The following LYPD6B variants were observed in gnomAD, a reference collection of about 807,000 sequenced individuals.
The protein encoded by LYPD6B is LY6/PLAUR domain containing 6B.
In LYPD6B, 17 loss-of-function variants were observed where a neutral mutation model predicts 22.8. The observed-to-expected ratio is 0.75, with a 90% CI of 0.51 to 1.12. The LOEUF is 1.12. Among genes scored for constraint, LYPD6B ranks in the 50% most tolerant of loss-of-function variants. The pLI, the probability that LYPD6B is intolerant of heterozygous loss-of-function variation, is 0.00. For missense variants in LYPD6B, 221 were observed against 258.3 expected, an observed-to-expected ratio of 0.86 and a Z score of 0.99; for synonymous variants, 106 against 91.6, an observed-to-expected ratio of 1.16 and a Z score of -0.90.
intron 1 of LYPD6B, among the ~76,000 whole-genome samples, chr2:149,061,842 A>C (rs1410351396): frequency 1.3e-5 from 2 of 152,170 alleles, no homozygotes; most frequent in Non-Finnish European, 2.9e-5. Context: ...GTAAGCATCA[A>C]ATTTCTTATA....
At chr2:149,189,357 TATATATATATACAC>T (rs1284966171) in intron 3 of LYPD6B, among the ~76,000 whole-genome samples, 8 of 85,118 alleles carry the variant, frequency 9.4e-5, no homozygotes, top group Non-Finnish European at 1.6e-4. Flanking sequence ...TATATATATA[TATATATATATACAC>T]ACACATATGT....
At chr2:149,173,011 T>C (rs984016006) in intron 3 of LYPD6B, among the ~76,000 whole-genome samples, 2 of 152,022 alleles carry the variant, frequency 1.3e-5, no homozygotes, top group East Asian at 1.9e-4. Flanking sequence ...CTTATATATA[T>C]GTGTGTGTAC....
At chr2:149,091,389 A>G (rs1331264676) in intron 1 of LYPD6B, among the ~76,000 whole-genome samples, 1 of 150,518 alleles carries the variant, frequency 6.6e-6, no homozygotes, top group East Asian at 1.9e-4. Flanking sequence ...ATATATATTT[A>G]TATATATAAA....
At chr2:149,169,818 G>C (rs1048775616) in intron 3 of LYPD6B, among the ~76,000 whole-genome samples, 3 of 152,112 alleles carry the variant, frequency 2.0e-5, no homozygotes, top group Admixed American at 6.6e-5. Flanking sequence ...TGAGAAACCT[G>C]TCCCGCCAGG....
intron 2 of LYPD6B, among the ~76,000 whole-genome samples, chr2:149,143,091 T>C (rs533163045): frequency 3.9e-4 from 59 of 152,334 alleles, no homozygotes; most frequent in Non-Finnish European, 6.5e-4. Context: ...TTAACATGCA[T>C]AATCATTCAG....
intron 3 of LYPD6B, among the ~76,000 whole-genome samples, chr2:149,171,118 C>G (rs1690785707): frequency 6.6e-6 from 1 of 152,156 alleles, no homozygotes; most frequent in Admixed American, 6.5e-5. Context: ...AGCAGCCACT[C>G]TGGGACTCTC....
At chr2:149,106,540 A>C (rs1374903943) in intron 1 of LYPD6B, among the ~76,000 whole-genome samples, 1 of 152,108 alleles carries the variant, frequency 6.6e-6, no homozygotes, top group Admixed American at 6.5e-5. Context: ...TATTTAATCT[A>C]TGTTTTTGAA....
At chr2:149,177,873 G>T (rs1575124214) in intron 3 of LYPD6B, among the ~76,000 whole-genome samples, 3 of 139,388 alleles carry the variant, frequency 2.2e-5, no homozygotes, top group African/African-American at 8.0e-5. Context: ...AAAGTGAATA[G>T]AACTGGAAGT....
chr2:149,130,195 A>G (rs1274701486), intron 1 of LYPD6B, among the ~76,000 whole-genome samples: 3 of 152,206 alleles, frequency 2.0e-5, no homozygotes, highest in African/African-American at 7.2e-5. Context: ...TGCTGAGGAC[A>G]GTTTGTGCCA....
chr2:149,122,245 G>T (rs11904191), intron 1 of LYPD6B, among the ~76,000 whole-genome samples: 13,593 of 151,994 alleles, frequency 0.089, 1,693 homozygotes, highest in East Asian at 0.3. Flanking sequence ...AAGTCTGTGG[G>T]TGCTGTGCTT....
In LYPD6B at chr2:149,171,528, A is replaced by ATTT. The variant is rs10659168; in HGVS notation, c.77+10703_77+10705dup. 1.0e-3 allele frequency among the ~76,000 whole-genome samples: 149 copies of ATTT among 143,414 alleles called. 2 individuals are homozygous for ATTT. Among genetic ancestry groups the ATTT allele is most frequent in the East Asian group, 3.7e-3 (18 of 4,886 alleles). 94.1% of individuals were successfully genotyped at this position (143,414 alleles called of 152,430 possible). ...CGTGAGAGCTCTTTTTTGAAGTCTG[A>ATTT]TTTTTTTTTTTTGATCCTATATCCC... On this transcript the variant is annotated intron_variant, in intron 3 of 6. Transcript: ENST00000409642.
At chr2:149,121,082 C>T (rs1385852735) in intron 1 of LYPD6B, among the ~76,000 whole-genome samples, 1 of 152,102 alleles carries the variant, frequency 6.6e-6, no homozygotes, top group African/African-American at 2.4e-5. Flanking sequence ...ATGAGCGACC[C>T]CGCCTGGCAA....
chr2:149,210,366 C>T (rs1212250706), intron 5 of LYPD6B, among the ~76,000 whole-genome samples: 1 of 152,022 alleles, frequency 6.6e-6, no homozygotes, highest in Non-Finnish European at 1.5e-5. Flanking sequence ...GAGAGGCTGA[C>T]TCTTAATGGG....
chr2:149,153,086 T>C (rs968061938), intron 2 of LYPD6B, among the ~76,000 whole-genome samples: 2 of 152,180 alleles, frequency 1.3e-5, no homozygotes, highest in African/African-American at 2.4e-5. Context: ...GAATCCAGTG[T>C]GGTTGATAAA....
At position 149,058,076 on chromosome 2, in the gene LYPD6B, G is replaced by T. The variant is rs556516967; in HGVS notation, c.-67+19275G>T. ...AGCCAGGAACCTGAGTTCTGTTCTT[G>T]GTCCTTCTGCCTTCTGACTGTGTGA... On this transcript the variant is annotated intron_variant, in intron 1 of 6. Transcript: ENST00000409642. Among the ~76,000 whole-genome samples the T allele has an allele frequency of 2.0e-5, 3 of 152,314 alleles. No individual in the cohort carries two copies. The East Asian group carries it at 5.8e-4, about 29-fold the overall frequency.
rs145378103 is a variant in LYPD6B, at chr2:149,094,025, T to G, written c.-66-36858T>G. 9.2e-3 allele frequency among the ~76,000 whole-genome samples: 1,405 copies of G among 152,280 alleles called. 15 individuals are homozygous for G. The highest frequency in any genetic ancestry group is 0.012 in the Non-Finnish European group (815 of 68,016). On this transcript the variant is annotated intron_variant, in intron 1 of 6. Transcript: ENST00000409642. ...TTCCAATAGAATATGACTTTGATAT[T>G]ATGGAATGGATAGAAAGTGGTGGAA...
intron 1 of LYPD6B, among the ~76,000 whole-genome samples, chr2:149,056,138 T>C (rs1574884539): frequency 2.0e-5 from 3 of 152,352 alleles, no homozygotes; most frequent in East Asian, 3.9e-4. Flanking sequence ...AACATATTCA[T>C]GTAACACATA....
intron 1 of LYPD6B, among the ~76,000 whole-genome samples, chr2:149,069,097 T>G (rs1006010709): frequency 6.6e-6 from 1 of 151,902 alleles, no homozygotes; most frequent in African/African-American, 2.4e-5. Flanking sequence ...TTTTTTTTTT[T>G]CAGTTTTGGT....
intron 1 of LYPD6B, among the ~76,000 whole-genome samples, chr2:149,062,755 GATC>G (rs1026891004): frequency 1.3e-4 from 19 of 151,634 alleles, no homozygotes; most frequent in African/African-American, 4.4e-4. Flanking sequence ...TGAAAAGAAA[GATC>G]ATCATGTCCT....
Sources: gnomAD v4.1 joint callset for allele counts (sites outside exome capture counted in the v4.1 genomes callset) on GRCh38, gnomAD v4.1.1 for gene constraint, MANE v1.5 for transcripts, NCBI Gene and HGNC (gene_info 2026-07-23, HGNC 2026-07-21) for gene names.